The following AUTS2 variants were observed in gnomAD, a reference collection of about 807,000 sequenced individuals.
AUTS2 encodes the protein activator of transcription and developmental regulator AUTS2.
In AUTS2, 17 loss-of-function variants were observed where a neutral mutation model predicts 112.4. The ratio of observed to expected loss-of-function variants is 0.15; its 90% CI spans 0.10 to 0.23. The LOEUF (loss-of-function observed/expected upper bound fraction) is 0.23. Among genes scored for constraint, AUTS2 ranks in the 10% least tolerant of loss-of-function variants. The pLI is 1.00. For synonymous variants in AUTS2, 751 were observed against 702.7 expected (o/e 1.07, Z -1.09); for missense variants, 1,510 against 1,701.6 (o/e 0.89, Z 1.98).
At chr7:69,605,950 A>G (rs1792691668) in intron 1 of AUTS2, among the ~76,000 whole-genome samples, 2 of 152,220 alleles carry the variant, frequency 1.3e-5, no homozygotes, top group Non-Finnish European at 2.9e-5. Flanking sequence ...AAGGCAGAGC[A>G]TCACTTGAGG....
At chr7:70,536,559 C>CT (rs1800325459) in intron 5 of AUTS2, among the ~76,000 whole-genome samples, 1 of 132,400 alleles carries the variant, frequency 7.6e-6, no homozygotes, top group African/African-American at 2.9e-5. Flanking sequence ...TGCTGATATG[C>CT]TAGAAGCCAA....
chr7:70,068,177 TC>T (rs1802582421), intron 2 of AUTS2, among the ~76,000 whole-genome samples: 1 of 151,156 alleles, frequency 6.6e-6, no homozygotes, highest in Non-Finnish European at 1.5e-5. Context: ...ATTTTTTTTT[TC>T]TTTTTTTTTT....
chr7:69,967,078 A>G (rs1797662027), intron 2 of AUTS2, among the ~76,000 whole-genome samples: 1 of 152,146 alleles, frequency 6.6e-6, no homozygotes, highest in African/African-American at 2.4e-5. Flanking sequence ...ACTATTTGCT[A>G]AAGAGACTGG....
chr7:70,692,275 G>A (rs968745746), intron 5 of AUTS2, among the ~76,000 whole-genome samples: 3 of 152,214 alleles, frequency 2.0e-5, no homozygotes, highest in African/African-American at 4.8e-5. Context: ...CCATGCCATC[G>A]TGCTCTCAGT....
chr7:70,688,436 G>A (rs1213678191), intron 5 of AUTS2, among the ~76,000 whole-genome samples: 1 of 152,188 alleles, frequency 6.6e-6, no homozygotes, highest in African/African-American at 2.4e-5. Context: ...TACTGCTGCT[G>A]TGGCATGGAC....
intron 6 of AUTS2, among the ~76,000 whole-genome samples, chr7:70,711,658 C>A (rs1292164628): frequency 1.3e-5 from 2 of 152,200 alleles, no homozygotes; most frequent in East Asian, 3.9e-4. Flanking sequence ...CAGAGAATGA[C>A]AGCTTTGGAA....
At chr7:70,758,475 A>C (rs1261385208) in intron 6 of AUTS2, among the ~76,000 whole-genome samples, 2 of 152,206 alleles carry the variant, frequency 1.3e-5, no homozygotes, top group Admixed American at 6.5e-5. Context: ...AATTTTTCCT[A>C]ATCTCTTAAA....
chr7:70,037,304 C>CT (rs1307605458), intron 2 of AUTS2, among the ~76,000 whole-genome samples: 7 of 152,130 alleles, frequency 4.6e-5, no homozygotes, highest in African/African-American at 1.7e-4. Flanking sequence ...ATGAAGAAGT[C>CT]TGAATATCTG....
chr7:70,257,018 C>T (rs1246809350), intron 4 of AUTS2, among the ~76,000 whole-genome samples: 1 of 152,196 alleles, frequency 6.6e-6, no homozygotes, highest in Non-Finnish European at 1.5e-5. Flanking sequence ...AAATTAGATG[C>T]CTGGCTTCTG....
intron 4 of AUTS2, chr7:70,291,582 T>C (rs1788709924): frequency 6.6e-6 from 1 of 152,230 alleles, no homozygotes; most frequent in Non-Finnish European, 1.5e-5. Flanking sequence ...TGAGAGTCAC[T>C]GTATAACTGA....
chr7:69,924,171 CT>C lies in AUTS2; in HGVS notation c.522+24681del, dbSNP rs35438674. 8.6e-5 allele frequency among the ~76,000 whole-genome samples: 13 copies of C among 151,630 alleles called. No homozygotes were observed. In the South Asian group the frequency reaches 2.1e-3, roughly 24 times the overall value. On this transcript the variant is annotated intron_variant, in intron 2 of 18. Coordinates refer to ENST00000342771, the MANE Select transcript of AUTS2 (RefSeq NM_015570.4). ...ATGCATGTTATATTTTGTCAAACAC[CT>C]TTTTTTTGTCTATCAAGATGATCAT...
At chr7:70,392,929 TAGAG>T (rs1401276015) in intron 4 of AUTS2, among the ~76,000 whole-genome samples, 1 of 152,224 alleles carries the variant, frequency 6.6e-6, no homozygotes, top group Admixed American at 6.5e-5. Context: ...GAGTTAAACT[TAGAG>T]AGGTTTTCTA....
chr7:69,854,501 G>T (rs1351768899), intron 1 of AUTS2, among the ~76,000 whole-genome samples: 1 of 152,036 alleles, frequency 6.6e-6, no homozygotes, highest in Non-Finnish European at 1.5e-5. Context: ...AAAGGTAAAA[G>T]ATATAACCTA....
chr7:69,847,385 A>C (rs1792253361), intron 1 of AUTS2, among the ~76,000 whole-genome samples: 1 of 152,146 alleles, frequency 6.6e-6, no homozygotes, highest in African/African-American at 2.4e-5. Context: ...TCCCGCAGCA[A>C]ATTCTGTCAT....
chr7:69,606,835 C>G (rs748184215), intron 1 of AUTS2, among the ~76,000 whole-genome samples: 9 of 152,160 alleles, frequency 5.9e-5, no homozygotes, highest in Non-Finnish European at 8.8e-5. Context: ...TAATCAGAAC[C>G]TGTTCCATGA....
intron 5 of AUTS2, among the ~76,000 whole-genome samples, chr7:70,486,625 G>A (rs1056796340): frequency 2.0e-5 from 3 of 152,110 alleles, no homozygotes; most frequent in Non-Finnish European, 4.4e-5. Context: ...CGGGCATGGT[G>A]GCACATGCCT....
chr7:69,715,798 C>T (rs1798579589), intron 1 of AUTS2, among the ~76,000 whole-genome samples: 1 of 152,180 alleles, frequency 6.6e-6, no homozygotes, highest in Non-Finnish European at 1.5e-5. Context: ...TTCTGTCAGA[C>T]ACTATTCTAA....
rs1002733682 is a variant in AUTS2 at position 70,793,401 on chromosome 7, G to A, written c.*2405G>A. ...TTTTTCTCTCTTTTAATTACGTGGT[G>A]TAGTCCTCATCAGTTTGCAGTCTCC... On this transcript the variant is annotated 3_prime_UTR_variant, in exon 19 of 19. Transcript: ENST00000342771. 3 of 151,860 alleles carry A rather than the reference G, an allele frequency of 2.0e-5. No individual in the cohort carries two copies. The highest frequency in any genetic ancestry group is 7.3e-5 in the African/African-American group (3 of 41,298). 9.4% of individuals were successfully genotyped at this position (151,860 alleles called of 1,614,324 possible).
intron 2 of AUTS2, among the ~76,000 whole-genome samples, chr7:70,015,368 T>C (rs1211817185): frequency 6.6e-6 from 1 of 152,204 alleles, no homozygotes; most frequent in Non-Finnish European, 1.5e-5. Flanking sequence ...GCACCATTTT[T>C]ACAGATGCCA....
Sources: gnomAD v4.1 joint callset for allele counts (sites outside exome capture counted in the v4.1 genomes callset) on GRCh38, gnomAD v4.1.1 for gene constraint, MANE v1.5 for transcripts, NCBI Gene and HGNC (gene_info 2026-07-23, HGNC 2026-07-21) for gene names.